NAV3: variants seen among roughly 807,000 people sequenced by gnomAD.
The protein encoded by NAV3 is neuron navigator 3, also known as pore membrane and/or filament interacting like protein 1.
NAV3 carries 87 observed loss-of-function variants against 244.7 expected under a neutral mutation model. The observed-to-expected ratio is 0.36, with a 90% CI of 0.30 to 0.42. The LOEUF (loss-of-function observed/expected upper bound fraction) is 0.42, where lower values mean the gene tolerates loss of function less well. Ranked by LOEUF, NAV3 falls within the 20% of genes least tolerant of loss-of-function variation. NAV3 has a pLI of 1.00. For missense variants in NAV3, 2,663 were observed against 2,893.3 expected, an observed-to-expected ratio of 0.92 and a Z score of 1.83; for synonymous variants, 1,126 against 1,042.2, an observed-to-expected ratio of 1.08 and a Z score of -1.55.
chr12:77,836,367 T>G (rs1447367658), intron 1 of NAV3, among the ~76,000 whole-genome samples: 1 of 152,212 alleles, frequency 6.6e-6, no homozygotes, highest in Non-Finnish European at 1.5e-5. Flanking sequence ...CATTTCCAAC[T>G]TCTTTCCAGT....
At chr12:78,191,705 G>A (rs1183054912) in intron 34 of NAV3, among the ~76,000 whole-genome samples, 1 of 152,104 alleles carries the variant, frequency 6.6e-6, no homozygotes, top group African/African-American at 2.4e-5. Flanking sequence ...GTTTGCTTCA[G>A]CTGACATGTT....
intron 1 of NAV3, among the ~76,000 whole-genome samples, chr12:77,929,987 T>C (rs1011947427): frequency 6.6e-6 from 1 of 152,048 alleles, no homozygotes; most frequent in African/African-American, 2.4e-5. Context: ...TTCATTGTTA[T>C]TAGACTATTA....
intron 2 of NAV3, among the ~76,000 whole-genome samples, chr12:77,725,731 C>T (rs895837288): frequency 3.3e-5 from 5 of 151,886 alleles, no homozygotes; most frequent in African/African-American, 1.2e-4. Flanking sequence ...TGGCTGGCGA[C>T]CACAAAAATG....
intron 1 of NAV3, among the ~76,000 whole-genome samples, chr12:77,924,636 T>C (rs1326067865): frequency 6.6e-6 from 1 of 152,180 alleles, no homozygotes; most frequent in Non-Finnish European, 1.5e-5. Flanking sequence ...TATCAGGTAA[T>C]ACATCAGATA....
intron 12 of NAV3, among the ~76,000 whole-genome samples, chr12:78,096,329 C>G (rs1460054593): frequency 2.0e-5 from 3 of 152,110 alleles, no homozygotes; most frequent in Non-Finnish European, 4.4e-5. Context: ...CTGGCAGGCC[C>G]CTCTGTTTGT....
chr12:77,995,651 G>T (rs1412398755), intron 6 of NAV3, among the ~76,000 whole-genome samples: 1 of 152,172 alleles, frequency 6.6e-6, no homozygotes, highest in Non-Finnish European at 1.5e-5. Context: ...TGACCACAAA[G>T]ACTGCGTCTG....
At chr12:77,986,560 G>T (rs1870550498) in intron 5 of NAV3, among the ~76,000 whole-genome samples, 1 of 152,062 alleles carries the variant, frequency 6.6e-6, no homozygotes, top group Non-Finnish European at 1.5e-5. Context: ...GTGATTTATA[G>T]AATTCTGTAT....
intron 12 of NAV3, among the ~76,000 whole-genome samples, chr12:78,068,397 C>CATATCTATATATATAAAAAAACA (rs1885283150): frequency 2.0e-5 from 3 of 150,786 alleles, no homozygotes; most frequent in Admixed American, 6.6e-5. Flanking sequence ...CATATCTATA[C>CATATCTATATATATAAAAAAACA]TATAAATAGT....
chr12:77,772,740 C>T (rs950383137), intron 2 of NAV3, among the ~76,000 whole-genome samples: 3 of 152,070 alleles, frequency 2.0e-5, no homozygotes, highest in East Asian at 3.9e-4. Flanking sequence ...CTTGATGGCT[C>T]GAGCAGTTGG....
At chr12:77,722,972 A>C (rs1313883328) in intron 2 of NAV3, among the ~76,000 whole-genome samples, 1 of 152,054 alleles carries the variant, frequency 6.6e-6, no homozygotes, top group Non-Finnish European at 1.5e-5. Flanking sequence ...ATCATTCTGA[A>C]TATGATTTTT....
At chr12:77,896,820 AT>A (rs1345277992) in intron 1 of NAV3, among the ~76,000 whole-genome samples, 1 of 152,138 alleles carries the variant, frequency 6.6e-6, no homozygotes, top group Non-Finnish European at 1.5e-5. Flanking sequence ...AGGAAACCCA[AT>A]TTTGATGTGA....
intron 9 of NAV3, among the ~76,000 whole-genome samples, chr12:78,028,074 A>G (rs1411277419): frequency 6.6e-6 from 1 of 152,156 alleles, no homozygotes; most frequent in Non-Finnish European, 1.5e-5. Context: ...TGACCACCAT[A>G]TATGACCTGA....
intron 2 of NAV3, among the ~76,000 whole-genome samples, chr12:77,710,919 A>C (rs1876081179): frequency 1.3e-5 from 2 of 152,206 alleles, no homozygotes; most frequent in South Asian, 4.1e-4. Context: ...AAATTGTTTT[A>C]CAAATTTTAA....
intron 1 of NAV3, among the ~76,000 whole-genome samples, chr12:77,901,773 C>A (rs1885326905): frequency 6.6e-6 from 1 of 152,056 alleles, no homozygotes; most frequent in Non-Finnish European, 1.5e-5. Flanking sequence ...CCCATGGCTG[C>A]CTGTTGATAC....
At chr12:78,048,800 T>A (rs773603569) in intron 9 of NAV3, among the ~76,000 whole-genome samples, 2 of 152,212 alleles carry the variant, frequency 1.3e-5, no homozygotes, top group Non-Finnish European at 1.5e-5. Flanking sequence ...TGTTTTAGTC[T>A]GCTGAGCCTG....
At chr12:77,934,926 A>C (rs1765290717) in intron 1 of NAV3, among the ~76,000 whole-genome samples, 1 of 152,180 alleles carries the variant, frequency 6.6e-6, no homozygotes, top group Non-Finnish European at 1.5e-5. Flanking sequence ...GTTACAGATT[A>C]GTGTGTTTTT....
intron 13 of NAV3, 52 bp from the exon 14 acceptor site, chr12:78,117,975 T>C (rs300442): frequency 0.83 from 1,229,111 of 1,473,826 alleles, 515,945 homozygotes; most frequent in Non-Finnish European, 0.86. Flanking sequence ...CCTTAATTCA[T>C]ACTTTATAAA....
rs557731258 is a variant in NAV3 at position 78,014,343 on chromosome 12, C to CA, written c.1907+6904dup. ...CAGAATCAGGGTTTTGAGCAGTTCT[C>CA]AAAAAAGAAAAATACCTAACCCTTA... On this transcript the variant is annotated intron_variant, in intron 8 of 39. Coordinates refer to ENST00000397909, the MANE Select transcript of NAV3 (RefSeq NM_001024383.2). Among the ~76,000 whole-genome samples the CA allele has an allele frequency of 1.8e-4, 28 of 151,914 alleles. 1 individual carries two copies. The South Asian group carries it at 3.7e-3, about 20-fold the overall frequency.
chr12:78,157,828 G>A (rs550899278), intron 22 of NAV3, among the ~76,000 whole-genome samples: 102 of 151,718 alleles, frequency 6.7e-4, no homozygotes, highest in Non-Finnish European at 9.0e-4. Flanking sequence ...AAAGAAGGAA[G>A]AGGGAAGGAA....
Sources: gnomAD v4.1 joint callset for allele counts (sites outside exome capture counted in the v4.1 genomes callset) on GRCh38, gnomAD v4.1.1 for gene constraint, MANE v1.5 for transcripts, NCBI Gene and HGNC (gene_info 2026-07-23, HGNC 2026-07-21) for gene names.